The following UGDH variants were observed in gnomAD, a reference collection of about 807,000 sequenced individuals.
The protein encoded by UGDH is UDP-Glc dehydrogenase.
UGDH carries 38 observed loss-of-function variants against 50.6 expected under a neutral mutation model. That is an observed-to-expected ratio of 0.75 (90% CI 0.58 to 0.98). UGDH has a LOEUF of 0.98. UGDH is among the 50% of genes least tolerant of loss of function. UGDH has a pLI of 0.00. For synonymous variants in UGDH, 168 were observed against 199.9 expected (o/e 0.84, Z 1.35); for missense variants, 465 against 606.2 (o/e 0.77, Z 2.45).
At chr4:39,522,952 G>A (rs1288056950) in intron 1 of UGDH, among the ~76,000 whole-genome samples, 1 of 151,680 alleles carries the variant, frequency 6.6e-6, no homozygotes, top group Non-Finnish European at 1.5e-5. Flanking sequence ...TAGTAGAGAT[G>A]GGGTTTCACC....
Position 39,510,650 on chromosome 4 carries a change from A to G in UGDH, c.465+11T>C. 2 of 1,614,190 alleles carry G rather than the reference A, an allele frequency of 1.2e-6. No homozygotes were observed. Among genetic ancestry groups the G allele is most frequent in the Non-Finnish European group, 1.7e-6 (2 of 1,180,018 alleles). On this transcript the variant is annotated intron_variant, in intron 4 of 11. Coordinates refer to ENST00000316423, the MANE Select transcript of UGDH (RefSeq NM_003359.4). ...AAGAATAACCAGATTCTAATGCTTC[A>G]TTTTTTATACCTGTAAATTCAAGTT... is the stretch of plus-strand genomic sequence containing the variant.
At chr4:39,508,798 C>A (rs1490097250) in intron 6 of UGDH, 138 bp from the exon 7 acceptor site, 7 of 684,758 alleles carry the variant, frequency 1.0e-5, no homozygotes, top group South Asian at 2.0e-5. Context: ...AAATAATGGG[C>A]TTATAAATTA....
At chr4:39,513,965 C>G (rs1578273847) in intron 3 of UGDH, 118 bp downstream of exon 3, 1 of 787,722 alleles carries the variant, frequency 1.3e-6, no homozygotes, top group Non-Finnish European at 2.0e-6. Flanking sequence ...ATTCACCGGA[C>G]AACTCTATAC....
chr4:39,520,143 A>AC (rs2109943892), intron 2 of UGDH, among the ~76,000 whole-genome samples: 2 of 152,266 alleles, frequency 1.3e-5, no homozygotes, highest in African/African-American at 4.8e-5. Context: ...GTTCAAGACC[A>AC]CCCTGGCCAA....
At chr4:39,500,496 T>C (rs1306766144) in intron 11 of UGDH, among the ~76,000 whole-genome samples, 2 of 152,074 alleles carry the variant, frequency 1.3e-5, no homozygotes, top group African/African-American at 4.8e-5. Context: ...CACACCTGAC[T>C]CCCTCAAAGT....
rs1745701013 is a variant in UGDH, at chr4:39,499,331, A to T, written c.*812T>A. 1 of 152,192 alleles carries T rather than the reference A, an allele frequency of 6.6e-6. No homozygotes were observed. Among genetic ancestry groups the T allele is most frequent in the Admixed American group, 6.5e-5 (1 of 15,276 alleles). The allele number at this position is 152,192 out of a possible 1,614,324, so 9.4% of individuals were successfully genotyped here. A position where few individuals can be genotyped will look rare whatever the true frequency, so the allele number is the denominator to read the frequency against. On this transcript the variant is annotated 3_prime_UTR_variant, in exon 12 of 12. Transcript: ENST00000316423. Reference sequence around the variant, plus strand: ...TAACAGTGATGATTTTGAGCTAAAAAATCAGTGACACATTTTATTAAAACA... The same window carrying T: ...TAACAGTGATGATTTTGAGCTAAAATATCAGTGACACATTTTATTAAAACA...
intron 11 of UGDH, among the ~76,000 whole-genome samples, chr4:39,500,853 C>T (rs780871927): frequency 6.6e-6 from 1 of 152,126 alleles, no homozygotes; most frequent in Non-Finnish European, 1.5e-5. Flanking sequence ...TGAGGTTTTA[C>T]ATGCTGGCCA....
At chr4:39,510,883 A>C (rs1746221276) in intron 3 of UGDH, 22 bp from the exon 4 acceptor site, 1 of 1,613,136 alleles carries the variant, frequency 6.2e-7, no homozygotes. Context: ...ATATGGGATA[A>C]AGAACAGAGT....
intron 1 of UGDH, chr4:39,526,925 C>A: frequency 2.0e-6 from 2 of 980,538 alleles, no homozygotes; most frequent in South Asian, 2.8e-5. Flanking sequence ...GACTCTGCGG[C>A]CAAAATGAGG....
rs374361538 is a variant in UGDH at position 39,506,655 on chromosome 4, T to C, written c.907-907A>G. Among the ~76,000 whole-genome samples the C allele has an allele frequency of 2.6e-5, 4 of 152,300 alleles. No homozygotes were observed. In the South Asian group the frequency reaches 6.2e-4, roughly 24 times the overall value. ...GATCACTTAATCTGTTAAATTTAGG[T>C]TGGTAACCGGGTGGGCGAAGCAAAA... On this transcript the variant is annotated intron_variant, in intron 7 of 11. Coordinates refer to ENST00000316423, the MANE Select transcript of UGDH (RefSeq NM_003359.4).
chr4:39,525,244 A>G (rs1267984781), intron 1 of UGDH, among the ~76,000 whole-genome samples: 1 of 152,194 alleles, frequency 6.6e-6, no homozygotes, highest in East Asian at 1.9e-4. Context: ...CCGAGGCTGG[A>G]GTGCAGTGGC....
At chr4:39,527,096 CAGT>C (rs1560271396) in intron 1 of UGDH, 184 bp downstream of exon 1, 1 of 1,289,356 alleles carries the variant, frequency 7.8e-7, no homozygotes, top group Non-Finnish European at 1.0e-6. Flanking sequence ...CCCAGGACAG[CAGT>C]TCCAAAATGC....
At chr4:39,516,587 G>A (rs1746449676) in intron 2 of UGDH, among the ~76,000 whole-genome samples, 1 of 152,166 alleles carries the variant, frequency 6.6e-6, no homozygotes, top group Non-Finnish European at 1.5e-5. Flanking sequence ...ATAGCAAAGT[G>A]AAAGCCCTTC....
At chr4:39,501,173 G>A (rs1745794583) in intron 11 of UGDH, among the ~76,000 whole-genome samples, 1 of 151,330 alleles carries the variant, frequency 6.6e-6, no homozygotes, top group South Asian at 2.1e-4. Flanking sequence ...TCACTATGTT[G>A]GCCAAGCTGG....
chr4:39,523,816 A>C (rs1209028854), intron 1 of UGDH, among the ~76,000 whole-genome samples: 3 of 152,144 alleles, frequency 2.0e-5, no homozygotes, highest in Admixed American at 6.5e-5. Flanking sequence ...CAAAAAAAAA[A>C]AAAAAAATTA....
chr4:39,511,657 T>G (rs1434196152), intron 3 of UGDH, among the ~76,000 whole-genome samples: 1 of 151,958 alleles, frequency 6.6e-6, no homozygotes, highest in Non-Finnish European at 1.5e-5. Context: ...TCATTAAAGC[T>G]AGACATTACC....
At chr4:39,525,466 T>C (rs554142779) in intron 1 of UGDH, among the ~76,000 whole-genome samples, 1 of 152,008 alleles carries the variant, frequency 6.6e-6, no homozygotes, top group South Asian at 2.1e-4. Context: ...AGTGCTGGGA[T>C]TACAGGCGTG....
At chr4:39,515,438 T>G (rs1746404783) in intron 2 of UGDH, among the ~76,000 whole-genome samples, 2 of 152,072 alleles carry the variant, frequency 1.3e-5, no homozygotes, top group Admixed American at 6.6e-5. Flanking sequence ...AATATAAATT[T>G]TTCTATATGC....
At chr4:39,519,553 T>G (rs1276511843) in intron 2 of UGDH, among the ~76,000 whole-genome samples, 2 of 151,814 alleles carry the variant, frequency 1.3e-5, no homozygotes, top group Admixed American at 1.3e-4. Context: ...TATATATATA[T>G]TTTGAGACGA....
Sources: gnomAD v4.1 joint callset for allele counts (sites outside exome capture counted in the v4.1 genomes callset) on GRCh38, gnomAD v4.1.1 for gene constraint, MANE v1.5 for transcripts, NCBI Gene and HGNC (gene_info 2026-07-23, HGNC 2026-07-21) for gene names.